Variants in TAFAZZIN observed in about 807,000 individuals in gnomAD.
TAFAZZIN encodes protein G4.5.
Under a neutral mutation model 27.3 loss-of-function variants are expected in TAFAZZIN, and 6 were observed. That is an observed-to-expected ratio of 0.22 (90% CI 0.12 to 0.43). The LOEUF (loss-of-function observed/expected upper bound fraction) is 0.43. Among genes scored for constraint, TAFAZZIN ranks in the 20% least tolerant of loss-of-function variants. The pLI is 1.00. For synonymous variants in TAFAZZIN, 79 were observed against 96.2 expected, an observed-to-expected ratio of 0.82 and a Z score of 1.04; for missense variants, 127 against 244.5, an observed-to-expected ratio of 0.52 and a Z score of 3.21.
intron 5 of TAFAZZIN, among the ~76,000 whole-genome samples, chrX:154,415,565 TAGATA>T (rs1385695654): frequency 2.7e-5 from 3 of 111,289 alleles, no homozygotes; most frequent in Admixed American, 9.6e-5. Flanking sequence ...CATACATAGA[TAGATA>T]AGATAGATAG....
chrX:154,416,900 C>T (rs1009002341), intron 5 of TAFAZZIN, among the ~76,000 whole-genome samples: 13 of 111,261 alleles, frequency 1.2e-4, no homozygotes, highest in Admixed American at 3.8e-4. Flanking sequence ...CTTTGGGAGG[C>T]CGAGGCGGGC....
intron 2 of TAFAZZIN, chrX:154,412,422 A>G (rs782352692): frequency 1.8e-5 from 9 of 489,309 alleles, no homozygotes; most frequent in Non-Finnish European, 2.3e-5. Flanking sequence ...TTGGGCATGG[A>G]GCAGGACCAA....
At chrX:154,412,387 G>C in intron 2 of TAFAZZIN, 173 bp downstream of exon 2, 1 of 646,178 alleles carries the variant, frequency 1.5e-6, no homozygotes, top group Non-Finnish European at 2.3e-6. Context: ...CAGCATCCCT[G>C]AGGGAGCATG....
chrX:154,412,189 C>T lies in TAFAZZIN; in HGVS notation c.213C>T (p.Ser71=). ...TPLITVSNHQ[S]CMDDPHLWGI... ...TCATCACCGTGTCCAATCACCAGTC[C>T]TGCATGGACGACCCTCATCTCTGGG... The change falls in exon 2 of 11, where the codon TCC becomes TCT. Residue 71 remains serine, a synonymous_variant. Coordinates refer to ENST00000601016, the MANE Select transcript of TAFAZZIN (RefSeq NM_000116.5). The T allele has an allele frequency of 8.3e-7, 1 of 1,199,662 alleles. No individual in the cohort carries two copies. The highest frequency in any genetic ancestry group is 1.1e-6 in the Non-Finnish European group (1 of 889,014).
At chrX:154,414,260 A>G (rs2148194889) in intron 5 of TAFAZZIN, 70 bp downstream of exon 5, 1 of 947,631 alleles carries the variant, frequency 1.1e-6, no homozygotes, top group South Asian at 2.0e-5. Context: ...AGGATCACTC[A>G]AGCCCAGGAG....
At chrX:154,419,462 G>A in intron 5 of TAFAZZIN, 81 bp from the exon 6 acceptor site, 1 of 1,005,085 alleles carries the variant, frequency 9.9e-7, no homozygotes, top group Non-Finnish European at 1.4e-6. Context: ...ATTGAGGTTT[G>A]GAGAGTGTTG....
Position 154,417,532 on chromosome X carries a change from G to A in TAFAZZIN, c.461-2011G>A, listed in dbSNP as rs1232485563. Among the ~76,000 whole-genome samples the A allele has an allele frequency of 3.5e-5, 4 of 112,728 alleles. No homozygotes were observed. The Admixed American group carries it at 3.7e-4, about 11-fold the overall frequency. ...AGAGACAGAAGGAAGGGTAACCAAA[G>A]GATATTAGAGGTCAAGGAGGGGTTT... On this transcript the variant is annotated intron_variant, in intron 5 of 10. Transcript: ENST00000601016.
chrX:154,415,758 G>A (rs1267477251), intron 5 of TAFAZZIN, among the ~76,000 whole-genome samples: 1 of 107,255 alleles, frequency 9.3e-6, no homozygotes, highest in African/African-American at 3.4e-5. Context: ...GCGCACGCCT[G>A]TAATCTCAGC....
rs1557191104 is a variant in TAFAZZIN at position 154,412,162 on chromosome X, C to G, written c.186C>G (p.Pro62=). Residue 62 remains proline, a synonymous_variant, in exon 2 of 11, where the codon CCC becomes CCG. Transcript: ENST00000601016. ...TCGAGAAGCGAGGCCCGGCCACGCC[C>G]CTCATCACCGTGTCCAATCACCAGT... is the stretch of plus-strand genomic sequence containing the variant. ...ELIEKRGPAT[P]LITVSNHQSC... 5 of 1,203,052 alleles carry G rather than the reference C, an allele frequency of 4.2e-6. No individual in the cohort carries two copies. The highest frequency in any genetic ancestry group is 4.5e-6 in the Non-Finnish European group (4 of 890,967).
intron 9 of TAFAZZIN, 56 bp downstream of exon 9, chrX:154,420,320 C>T: frequency 8.5e-7 from 1 of 1,181,169 alleles, no homozygotes; most frequent in Non-Finnish European, 1.2e-6. Context: ...TGCTCCGTGT[C>T]TCCCACTCAG....
rs782183024 is a variant in TAFAZZIN, at chrX:154,411,840, G to A, written c.-4G>A. 8.4e-6 allele frequency: 10 copies of A among 1,187,507 alleles called. No individual in the cohort carries two copies. The highest frequency in any genetic ancestry group is 1.1e-5 in the Non-Finnish European group (10 of 886,896). On this transcript the variant is annotated 5_prime_UTR_variant, in exon 1 of 11. Coordinates refer to ENST00000601016, the MANE Select transcript of TAFAZZIN (RefSeq NM_000116.5). ...TGGGAGCGCCGGCCGCGGGCCGGGT[G>A]GGGATGCCTCTGCACGTGAAGTGGC...
In TAFAZZIN at chrX:154,421,401, G is replaced by A. The variant is rs1557194806; in HGVS notation, c.*397G>A. On this transcript the variant is annotated 3_prime_UTR_variant, in exon 11 of 11. Transcript: ENST00000601016. ...CTGGCTCCTACCCACCGCCCTTGCC[G>A]AACCAGGAGCTGCTCACTACCTCCT... 8.6e-6 allele frequency: 3 copies of A among 348,607 alleles called. No individual in the cohort carries two copies. Among genetic ancestry groups the A allele is most frequent in the South Asian group, 5.2e-5 (2 of 38,695 alleles). 28.7% of individuals were successfully genotyped at this position (348,607 alleles called of 1,213,427 possible).
rs376379156 is a variant in TAFAZZIN at position 154,420,705 on chromosome X, C to T, written c.747C>T (p.Leu249=). The change falls in exon 10 of 11, where the codon CTC becomes CTT. Residue 249 remains leucine (L), a synonymous_variant. Coordinates refer to ENST00000601016, the MANE Select transcript of TAFAZZIN (RefSeq NM_000116.5). ...IGKPFSALPV[L]ERLRAENKSA... ...AGCCCTTCAGTGCCCTGCCTGTACT[C>T]GAGCGGCTCCGGGCGGAGAACAAGT... 9.8e-5 allele frequency: 118 copies of T among 1,209,245 alleles called. No individual in the cohort carries two copies. Among genetic ancestry groups the T allele is most frequent in the Non-Finnish European group, 1.3e-4 (114 of 894,910 alleles).
chrX:154,420,882 A>G (rs2068612632), intron 10 of TAFAZZIN, 21 bp from the exon 11 acceptor site: 1 of 1,204,116 alleles, frequency 8.3e-7, no homozygotes, highest in African/African-American at 1.8e-5. Context: ...GGTGCAGGCC[A>G]TCCCTGGTCC....
rs2068387820 is a variant in TAFAZZIN, at chrX:154,413,527, C to T, written c.330C>T (p.Ser110=). The T allele has an allele frequency of 8.3e-7, 1 of 1,211,102 alleles. No homozygotes were observed. Among genetic ancestry groups the T allele is most frequent in the Admixed American group, 2.2e-5 (1 of 45,974 alleles). The change falls in exon 4 of 11, where the codon TCC becomes TCT. Residue 110 remains serine, a synonymous_variant. Coordinates refer to ENST00000601016, the MANE Select transcript of TAFAZZIN (RefSeq NM_000116.5). ...TCTGCTTCACCAAGGAGCTACACTCCCACTTCTTCAGCTTGGGCAAGTGTG... is the reference window on the plus strand; with the variant it reads ...TCTGCTTCACCAAGGAGCTACACTCTCACTTCTTCAGCTTGGGCAAGTGTG... ...ADICFTKELH[S]HFFSLGKCVP...
chrX:154,420,621 C>G (rs201683694), intron 9 of TAFAZZIN, 37 bp from the exon 10 acceptor site: 1 of 1,203,726 alleles, frequency 8.3e-7, no homozygotes, highest in African/African-American at 1.8e-5. Flanking sequence ...GTGGGCACTC[C>G]TACTGCTCCT....
At chrX:154,420,420 A>T (rs2068596746) in intron 9 of TAFAZZIN, among the ~76,000 whole-genome samples, 156 bp downstream of exon 9, 1 of 110,785 alleles carries the variant, frequency 9.0e-6, no homozygotes, top group South Asian at 3.8e-4. Context: ...TGGCACCGAG[A>T]CATTAAAATG....
intron 5 of TAFAZZIN, among the ~76,000 whole-genome samples, chrX:154,416,029 C>A (rs1465627284): frequency 1.8e-5 from 2 of 108,670 alleles, no homozygotes; most frequent in Non-Finnish European, 3.8e-5. Flanking sequence ...GAGGCCGAGG[C>A]GGGTGGTTCA....
At position 154,421,040 on chromosome X, in the gene TAFAZZIN, C is replaced by G; in HGVS notation, c.*36C>G. ...CTGCCTTCTGGATTCTTGGCCCGCA[C>G]AGAGCTGGGGCTGAGGGATGGACTG... is the stretch of plus-strand genomic sequence containing the variant. On this transcript the variant is annotated 3_prime_UTR_variant, in exon 11 of 11. Transcript: ENST00000601016. 8.7e-7 allele frequency: 1 copy of G among 1,148,848 alleles called. No homozygotes were observed. The highest frequency in any genetic ancestry group is 1.2e-6 in the Non-Finnish European group (1 of 839,866). The allele number at this position is 1,148,848 out of a possible 1,213,427, so 94.7% of individuals were successfully genotyped here.
Sources: allele counts gnomAD v4.1 joint callset (sites outside exome capture counted in the v4.1 genomes callset), GRCh38; gene constraint gnomAD v4.1.1; transcripts MANE v1.5; gene names NCBI Gene and HGNC (gene_info 2026-07-23, HGNC 2026-07-21).